ZNF536: variants seen among roughly 807,000 people sequenced by gnomAD.
ZNF536 encodes the protein zinc finger protein 536.
Under a neutral mutation model 84.5 loss-of-function variants are expected in ZNF536, and 13 were observed. The observed-to-expected ratio is 0.15, with a 90% CI of 0.10 to 0.24. ZNF536 has a LOEUF of 0.24. Ranked by LOEUF, ZNF536 falls within the 10% of genes least tolerant of loss-of-function variation. ZNF536 has a pLI of 1.00. For synonymous variants in ZNF536, 811 were observed against 742.5 expected, an observed-to-expected ratio of 1.09 and a Z score of -1.50; for missense variants, 1,536 against 1,747.5, an observed-to-expected ratio of 0.88 and a Z score of 2.16.
At chr19:30,349,882 A>T (rs953288097) in intron 2 of ZNF536, among the ~76,000 whole-genome samples, 3 of 152,164 alleles carry the variant, frequency 2.0e-5, no homozygotes, top group Non-Finnish European at 4.4e-5. Context: ...CTTCAAATGG[A>T]GAAGTATAGT....
At chr19:30,509,945 T>C (rs80093129) in intron 2 of ZNF536, among the ~76,000 whole-genome samples, 2,386 of 152,322 alleles carry the variant, frequency 0.016, 71 homozygotes, top group African/African-American at 0.054. Flanking sequence ...GGAGCCGAGA[T>C]CTTGTTTTAT....
intron 1 of ZNF536, among the ~76,000 whole-genome samples, chr19:30,393,959 G>A (rs2049706169): frequency 6.6e-6 from 1 of 152,206 alleles, no homozygotes; most frequent in Non-Finnish European, 1.5e-5. Flanking sequence ...GAAAGCAGAT[G>A]TGAAACATGT....
chr19:30,684,820 G>A (rs1056929860), intron 1 of ZNF536, among the ~76,000 whole-genome samples: 3 of 152,162 alleles, frequency 2.0e-5, no homozygotes, highest in Non-Finnish European at 2.9e-5. Context: ...GGCAGCGGTC[G>A]GGACCTGATC....
intron 1 of ZNF536, among the ~76,000 whole-genome samples, chr19:30,658,847 A>G (rs2050015312): frequency 1.3e-5 from 2 of 152,254 alleles, no homozygotes; most frequent in Admixed American, 1.3e-4. Flanking sequence ...GAGGTTCAGC[A>G]CATATTTCTT....
intron 2 of ZNF536, among the ~76,000 whole-genome samples, chr19:30,466,871 G>T (rs1183513606): frequency 6.6e-6 from 1 of 152,048 alleles, no homozygotes; most frequent in African/African-American, 2.4e-5. Flanking sequence ...GTGGAGTTTT[G>T]CTCTTGTTGC....
At chr19:30,225,800 T>C (rs1177788996), upstream of ZNF536, among the ~76,000 whole-genome samples, 1 of 149,950 alleles carries the variant, frequency 6.7e-6, no homozygotes, top group Non-Finnish European at 1.5e-5. Flanking sequence ...TTTGGACTCT[T>C]GGCGCGGCCC....
At chr19:30,269,617 T>C (rs2025711898) in intron 1 of ZNF536, among the ~76,000 whole-genome samples, 1 of 152,204 alleles carries the variant, frequency 6.6e-6, no homozygotes, top group South Asian at 2.1e-4. Context: ...TTTCGACATT[T>C]GGGTCTAAAC....
intron 1 of ZNF536, among the ~76,000 whole-genome samples, chr19:30,644,681 A>G (rs1340333738): frequency 2.0e-5 from 3 of 152,214 alleles, no homozygotes; most frequent in Non-Finnish European, 2.9e-5. Context: ...CCATGTCCCT[A>G]CAAAAGACAT....
chr19:30,378,386 C>A (rs988793933), intron 1 of ZNF536, among the ~76,000 whole-genome samples: 2 of 152,206 alleles, frequency 1.3e-5, no homozygotes, highest in African/African-American at 4.8e-5. Flanking sequence ...GTCTTCAACT[C>A]CTGACCTCAG....
At chr19:30,243,603 G>GA (rs1335533358) in intron 1 of ZNF536, among the ~76,000 whole-genome samples, 3 of 152,140 alleles carry the variant, frequency 2.0e-5, no homozygotes, top group Non-Finnish European at 4.4e-5. Context: ...TAACGCTAAT[G>GA]AAAAAATTAT....
chr19:30,577,607 A>C (rs971515768), intron 1 of ZNF536, among the ~76,000 whole-genome samples: 10 of 152,078 alleles, frequency 6.6e-5, no homozygotes, highest in African/African-American at 2.4e-4. Context: ...CTGTAGTTTT[A>C]TTCGTGGTAT....
At chr19:30,296,846 C>T (rs1006084498) in intron 2 of ZNF536, among the ~76,000 whole-genome samples, 6 of 152,194 alleles carry the variant, frequency 3.9e-5, no homozygotes, top group Admixed American at 3.9e-4. Flanking sequence ...TGGCAGCATC[C>T]TTTCGCCCTC....
Position 30,301,464 on chromosome 19 carries a change from CT to C in ZNF536, c.-120+17326del, listed in dbSNP as rs1165005622. Among the ~76,000 whole-genome samples the C allele has an allele frequency of 2.6e-5, 4 of 152,270 alleles. No homozygotes were observed. In the East Asian group the frequency reaches 7.7e-4, roughly 29 times the overall value. On this transcript the variant is annotated intron_variant, in intron 2 of 5. Coordinates refer to the ZNF536 transcript ENST00000585628. ...GGGTAACTTTGTGATTACAATTTAG[CT>C]TTAACAACTCTTGCGAATTGCATGA...
chr19:30,499,935 C>G (rs1161665090), intron 2 of ZNF536, among the ~76,000 whole-genome samples: 1 of 152,130 alleles, frequency 6.6e-6, no homozygotes, highest in Non-Finnish European at 1.5e-5. Context: ...GAGATGTGTG[C>G]AAGTCTAAGT....
intron 2 of ZNF536, among the ~76,000 whole-genome samples, chr19:30,446,529 C>A (rs900395525): frequency 6.6e-6 from 1 of 151,990 alleles, no homozygotes; most frequent in African/African-American, 2.4e-5. Flanking sequence ...ATGCAGGCAC[C>A]GCAGTCTCCC....
At position 30,549,256 on chromosome 19, in the gene ZNF536, G is replaced by A. The variant is rs202141031; in HGVS notation, c.3637G>A (p.Gly1213Ser). 6.2e-7 allele frequency: 1 copy of A among 1,613,968 alleles called. No individual in the cohort carries two copies. Among genetic ancestry groups the A allele is most frequent in the South Asian group, 1.1e-5 (1 of 91,082 alleles). The stretch of plus-strand genomic sequence containing the variant: ...TGGCGGGGACAGCCTGCAGCCCACA[G>A]GCACCTCCCAGCCCGTCCAGGGACT... The part of the protein sequence containing the change: ...SDGGDSLQPT[G>S]TSQPVQGLVS... The change falls in exon 4 of 5, where the codon GGC becomes AGC. Residue 1213 changes from glycine to serine, a missense_variant. Gly to Ser is a moderately conservative substitution (Grantham distance 56, BLOSUM62 0). This residue lies in a region of ZNF536 where 624 missense variants were observed against 603.1 expected (regional missense o/e 1.03). Coordinates refer to ENST00000355537, the MANE Select transcript of ZNF536 (RefSeq NM_014717.3).
At chr19:30,227,548 T>C (rs2022682727), upstream of ZNF536, among the ~76,000 whole-genome samples, 2 of 152,110 alleles carry the variant, frequency 1.3e-5, no homozygotes. Flanking sequence ...GTTTTCACTT[T>C]AGCAGAAAAT....
At position 30,623,032 on chromosome 19, in the gene ZNF536, G is replaced by GTT. The variant is rs1169214591; in HGVS notation, c.169+73524_169+73525dup. On this transcript the variant is annotated intron_variant, in intron 1 of 1. Coordinates refer to the ZNF536 transcript ENST00000592773. ...CTAAAAATCTTGTGTTTTTTTTTTT[G>GTT]TTTTTTTGTTTTTTTGTTTTTTTGA... is the stretch of plus-strand genomic sequence containing the variant. Among the ~76,000 whole-genome samples the GTT allele has an allele frequency of 8.0e-4, 74 of 92,886 alleles. 2 individuals are homozygous for GTT. Among genetic ancestry groups the GTT allele is most frequent in the African/African-American group, 2.9e-3 (64 of 22,316 alleles). The allele number at this position is 92,886 out of a possible 152,430, so 60.9% of individuals were successfully genotyped here. A position where few individuals can be genotyped will look rare whatever the true frequency, so the allele number is the denominator to read the frequency against.
intron 2 of ZNF536, among the ~76,000 whole-genome samples, chr19:30,337,664 G>A (rs748992300): frequency 6.6e-6 from 1 of 152,166 alleles, no homozygotes; most frequent in African/African-American, 2.4e-5. Flanking sequence ...CAGAGACATG[G>A]CTATTAAATG....
Sources: gnomAD v4.1 joint callset for allele counts (sites outside exome capture counted in the v4.1 genomes callset) on GRCh38, gnomAD v4.1.1 for gene constraint, gnomAD v4.1.1 regional missense constraint, MANE v1.5 for transcripts, NCBI Gene and HGNC (gene_info 2026-07-23, HGNC 2026-07-21) for gene names.